The following CCDC18 variants were observed in gnomAD, a reference collection of about 807,000 sequenced individuals.
CCDC18 encodes coiled-coil domain containing 18.
CCDC18 carries 157 observed loss-of-function variants against 196.0 expected under a neutral mutation model. The ratio of observed to expected loss-of-function variants is 0.80; its 90% CI spans 0.70 to 0.91. The LOEUF is 0.91. CCDC18 is among the 40% of genes least tolerant of loss of function. The pLI is 0.00. For synonymous variants in CCDC18, 482 were observed against 529.2 expected (o/e 0.91, Z 1.22); for missense variants, 1,465 against 1,611.6 (o/e 0.91, Z 1.56).
intron 18 of CCDC18, among the ~76,000 whole-genome samples, chr1:93,234,351 G>A (rs762982727): frequency 2.0e-5 from 3 of 151,896 alleles, no homozygotes; most frequent in African/African-American, 4.8e-5. Flanking sequence ...TAGTAGAGGC[G>A]GGGTTTCACC....
chr1:93,245,585 A>G (rs948328504), intron 21 of CCDC18, among the ~76,000 whole-genome samples: 2 of 152,146 alleles, frequency 1.3e-5, no homozygotes, highest in African/African-American at 2.4e-5. Context: ...AAGGTTATAC[A>G]TAAATTAGGG....
At chr1:93,276,791 G>A (rs1570675998) in intron 28 of CCDC18, among the ~76,000 whole-genome samples, 2 of 152,092 alleles carry the variant, frequency 1.3e-5, no homozygotes, top group East Asian at 3.9e-4. Flanking sequence ...GTGTAGGGGT[G>A]GGTTGCCCCT....
intron 4 of CCDC18, among the ~76,000 whole-genome samples, chr1:93,189,809 C>T (rs890312598): frequency 4.6e-5 from 7 of 151,900 alleles, no homozygotes; most frequent in Admixed American, 1.3e-4. Context: ...ACTACAGGCA[C>T]GTGCCACCAT....
chr1:93,272,690 A>T (rs749503249), intron 28 of CCDC18, among the ~76,000 whole-genome samples: 2 of 152,250 alleles, frequency 1.3e-5, no homozygotes, highest in Admixed American at 6.5e-5. Context: ...GGTTTAGCAT[A>T]GAATGGAAAG....
chr1:93,210,488 C>T (rs764403385), intron 9 of CCDC18, among the ~76,000 whole-genome samples: 1 of 152,012 alleles, frequency 6.6e-6, no homozygotes, highest in African/African-American at 2.4e-5. Flanking sequence ...TGTCACATAT[C>T]GATGCATCTA....
rs75490667 is a variant in CCDC18 at position 93,182,506 on chromosome 1, T to G, written c.-2-854T>G. On this transcript the variant is annotated intron_variant, in intron 1 of 28. Transcript: ENST00000690025. Reference sequence around the variant, plus strand: ...AGGTAAATGGGATCTGAAAGAGGAATGTAATTTTAAGATTGCGCAGAAAGC... The same window carrying G: ...AGGTAAATGGGATCTGAAAGAGGAAGGTAATTTTAAGATTGCGCAGAAAGC... 2.7e-4 allele frequency among the ~76,000 whole-genome samples: 41 copies of G among 152,330 alleles called. No homozygotes were observed. The East Asian group carries it at 7.7e-3, about 29-fold the overall frequency.
intron 26 of CCDC18, among the ~76,000 whole-genome samples, chr1:93,264,468 A>T (rs1405052853): frequency 6.6e-6 from 1 of 152,198 alleles, no homozygotes; most frequent in Non-Finnish European, 1.5e-5. Flanking sequence ...CAGTACCCAA[A>T]TAGAGTCCAT....
chr1:93,188,308 A>T (rs1267707376), intron 4 of CCDC18, among the ~76,000 whole-genome samples: 1 of 152,188 alleles, frequency 6.6e-6, no homozygotes, highest in Non-Finnish European at 1.5e-5. Context: ...GGAGCCTGGC[A>T]TCCTGCTCTT....
chr1:93,230,218 C>T (rs369958879), intron 17 of CCDC18, among the ~76,000 whole-genome samples: 1 of 152,050 alleles, frequency 6.6e-6, no homozygotes, highest in African/African-American at 2.4e-5. Flanking sequence ...CTAAAGCCAA[C>T]TGGCCAGGCA....
intron 26 of CCDC18, among the ~76,000 whole-genome samples, chr1:93,264,332 C>T (rs1264287738): frequency 2.0e-5 from 3 of 152,138 alleles, no homozygotes; most frequent in Non-Finnish European, 4.4e-5. Flanking sequence ...TTTTTTGGAA[C>T]AGAACCACAA....
At chr1:93,267,483 GAA>G (rs1459808988) in intron 27 of CCDC18, among the ~76,000 whole-genome samples, 1 of 152,152 alleles carries the variant, frequency 6.6e-6, no homozygotes, top group Non-Finnish European at 1.5e-5. Context: ...ATTCAATTAG[GAA>G]AAGAGGAAGT....
Position 93,245,605 on chromosome 1 carries a change from G to A in CCDC18, c.2982-500G>A, listed in dbSNP as rs371493649. Among the ~76,000 whole-genome samples, 6 of 152,140 alleles carry A rather than the reference G, an allele frequency of 3.9e-5. No individual in the cohort carries two copies. In the East Asian group the frequency reaches 9.6e-4, roughly 24 times the overall value. On this transcript the variant is annotated intron_variant, in intron 21 of 28. Coordinates refer to ENST00000690025, the MANE Select transcript of CCDC18 (RefSeq NM_001378204.1). ...TATACATAAATTAGGGTTTAAGAGG[G>A]CTTAGAATTTGTAATATTTTTATAT...
chr1:93,278,517 T>G lies in CCDC18; in HGVS notation c.*40T>G, dbSNP rs777414998. ...TGATGTGTTGAAAAAATGGAATTTTTGGTACTGTGCTGTTTACTTATTATA... is the reference window on the plus strand; with the variant it reads ...TGATGTGTTGAAAAAATGGAATTTTGGGTACTGTGCTGTTTACTTATTATA... On this transcript the variant is annotated 3_prime_UTR_variant, in exon 29 of 29. Transcript: ENST00000690025. The G allele has an allele frequency of 8.1e-7, 1 of 1,241,562 alleles. No homozygotes were observed. The highest frequency in any genetic ancestry group is 1.9e-5 in the South Asian group (1 of 53,172). 76.9% of individuals were successfully genotyped at this position (1,241,562 alleles called of 1,614,324 possible). A position where few individuals can be genotyped will look rare whatever the true frequency, so the allele number is the denominator to read the frequency against.
chr1:93,233,863 C>T (rs1319813445), intron 18 of CCDC18, among the ~76,000 whole-genome samples: 2 of 152,026 alleles, frequency 1.3e-5, no homozygotes, highest in African/African-American at 4.8e-5. Flanking sequence ...TCCCAAAGTG[C>T]TGGGATTACA....
At chr1:93,190,892 G>T in intron 4 of CCDC18, 1 of 738,120 alleles carries the variant, frequency 1.4e-6, no homozygotes, top group Non-Finnish European at 2.5e-6. Context: ...GCCTTTTTCT[G>T]GAAAATCTAC....
At position 93,210,838 on chromosome 1, in the gene CCDC18, T is replaced by C; in HGVS notation, c.1246T>C (p.Ser416Pro). 1 of 1,607,106 alleles carries C rather than the reference T, an allele frequency of 6.2e-7. No individual in the cohort carries two copies. Among genetic ancestry groups the C allele is most frequent in the South Asian group, 1.1e-5 (1 of 90,910 alleles). ...RELFGFKSYL[S>P]KYQMSSFSNK... ...ATTATTTGGCTTTAAATCATATCTTTCTAAATACCAGATGAGTAGCTTCTC... is the reference window on the plus strand; with the variant it reads ...ATTATTTGGCTTTAAATCATATCTTCCTAAATACCAGATGAGTAGCTTCTC... The change falls in exon 10 of 29, where the codon TCT becomes CCT. Residue 416 changes from serine (S) to proline (P), a missense_variant. By Grantham distance (74) the Ser-to-Pro change is moderately conservative. Transcript: ENST00000690025.
chr1:93,180,490 T>A (rs373929608), upstream of CCDC18: 14 of 1,527,016 alleles, frequency 9.2e-6, no homozygotes, highest in African/African-American at 1.6e-4. Context: ...AGGCCAGGCG[T>A]GAGCGCCGCC....
At chr1:93,252,685 T>C (rs922363300) in intron 23 of CCDC18, among the ~76,000 whole-genome samples, 1 of 152,248 alleles carries the variant, frequency 6.6e-6, no homozygotes. Context: ...CTTGTAGATA[T>C]GCAACGACAT....
chr1:93,255,890 G>A (rs570782998), intron 24 of CCDC18, among the ~76,000 whole-genome samples: 4 of 152,324 alleles, frequency 2.6e-5, no homozygotes, highest in Middle Eastern at 6.8e-3. Flanking sequence ...AGCAGCCCCA[G>A]TGACAAGTTT....
Sources: allele counts gnomAD v4.1 joint callset (sites outside exome capture counted in the v4.1 genomes callset), GRCh38; gene constraint gnomAD v4.1.1; transcripts MANE v1.5; gene names NCBI Gene and HGNC (gene_info 2026-07-23, HGNC 2026-07-21).